Variants in RBFOX1 observed in about 807,000 individuals in gnomAD.
The protein encoded by RBFOX1 is RNA binding fox-1 homolog 1.
In RBFOX1, 8 loss-of-function variants were observed where a neutral mutation model predicts 57.7. The observed-to-expected ratio is 0.14, with a 90% CI of 0.08 to 0.25. The LOEUF (loss-of-function observed/expected upper bound fraction) is 0.25. Ranked by LOEUF, RBFOX1 falls within the 10% of genes least tolerant of loss-of-function variation. The pLI is 1.00. For synonymous variants in RBFOX1, 326 were observed against 222.4 expected, an observed-to-expected ratio of 1.47 and a Z score of -4.15; for missense variants, 611 against 548.5, an observed-to-expected ratio of 1.11 and a Z score of -1.14.
chr16:6,977,114 C>CTATATTATCATATATATGATATATAT (rs2087177477), intron 3 of RBFOX1, among the ~76,000 whole-genome samples: 4 of 136,080 alleles, frequency 2.9e-5, no homozygotes, highest in Admixed American at 7.8e-5. Flanking sequence ...TATATATGAT[C>CTATATTATCATATATATGATATATAT]TATATTATCA....
At chr16:6,673,612 A>T (rs7202411) in intron 3 of RBFOX1, among the ~76,000 whole-genome samples, 24,503 of 152,102 alleles carry the variant, frequency 0.16, 2,184 homozygotes, top group Non-Finnish European at 0.2. Context: ...TCAAAAAAAT[A>T]TATAGATATG....
At chr16:6,919,769 CTTT>C (rs57240620) in intron 3 of RBFOX1, among the ~76,000 whole-genome samples, 9 of 123,488 alleles carry the variant, frequency 7.3e-5, no homozygotes, top group African/African-American at 2.7e-4. Context: ...TAAGATCATT[CTTT>C]TTTTTTTTTT....
intron 4 of RBFOX1, among the ~76,000 whole-genome samples, chr16:5,999,562 C>T (rs2060551078): frequency 6.6e-6 from 1 of 152,134 alleles, no homozygotes; most frequent in African/African-American, 2.4e-5. Flanking sequence ...GAAGGGTTGG[C>T]CGGGCGCCGC....
At chr16:6,163,914 G>A (rs886216575) in intron 1 of RBFOX1, among the ~76,000 whole-genome samples, 1 of 152,098 alleles carries the variant, frequency 6.6e-6, no homozygotes, top group African/African-American at 2.4e-5. Flanking sequence ...TTTTCTTATT[G>A]AGTATATTTG....
intron 2 of RBFOX1, among the ~76,000 whole-genome samples, chr16:6,521,242 A>T (rs1050760691): frequency 3.9e-5 from 6 of 152,142 alleles, no homozygotes; most frequent in Admixed American, 6.5e-5. Context: ...AGGCTGTGCT[A>T]CTGTTGCTCA....
intron 4 of RBFOX1, among the ~76,000 whole-genome samples, chr16:7,118,859 A>G (rs2066489350): frequency 6.6e-6 from 1 of 152,174 alleles, no homozygotes; most frequent in Non-Finnish European, 1.5e-5. Context: ...CATATACCAA[A>G]TAGAGCACAT....
intron 2 of RBFOX1, among the ~76,000 whole-genome samples, chr16:6,636,783 A>AATATGTTATATATAATATATAAT (rs2098437588): frequency 2.7e-5 from 1 of 36,634 alleles, no homozygotes; most frequent in Non-Finnish European, 5.4e-5. Flanking sequence ...TAATATATAT[A>AATATGTTATATATAATATATAAT]ATATATAATA....
intron 3 of RBFOX1, among the ~76,000 whole-genome samples, chr16:6,677,893 A>G (rs1029005671): frequency 3.9e-5 from 6 of 152,162 alleles, no homozygotes; most frequent in African/African-American, 7.2e-5. Flanking sequence ...TTTAGGAGCA[A>G]TTTTTGTTTA....
chr16:7,303,868 A>G (rs2096096968), intron 4 of RBFOX1, among the ~76,000 whole-genome samples: 1 of 120,464 alleles, frequency 8.3e-6, no homozygotes. Flanking sequence ...CCCTCTCGCT[A>G]TCCTTGCCCC....
chr16:7,522,918 C>T (rs2077825849), intron 5 of RBFOX1, among the ~76,000 whole-genome samples: 1 of 152,130 alleles, frequency 6.6e-6, no homozygotes, highest in African/African-American at 2.4e-5. Flanking sequence ...CATGCACAAC[C>T]ATTACTGCTA....
intron 2 of RBFOX1, chr16:6,483,870 A>G (rs1237157729): frequency 5.9e-6 from 7 of 1,187,556 alleles, no homozygotes; most frequent in Non-Finnish European, 7.4e-6. Flanking sequence ...CCCAAACCGG[A>G]GATGGAAGGA....
chr16:5,460,993 G>A (rs919317477), intron 1 of RBFOX1, among the ~76,000 whole-genome samples: 1 of 152,090 alleles, frequency 6.6e-6, no homozygotes, highest in Non-Finnish European at 1.5e-5. Flanking sequence ...TGAAACGGAT[G>A]ACAAGGAAAG....
At chr16:5,274,172 C>T (rs1455117066) in intron 1 of RBFOX1, among the ~76,000 whole-genome samples, 1 of 152,110 alleles carries the variant, frequency 6.6e-6, no homozygotes, top group African/African-American at 2.4e-5. Context: ...TTGTGTTCTT[C>T]CTAATTTTCC....
intron 4 of RBFOX1, among the ~76,000 whole-genome samples, chr16:7,489,679 A>G (rs1352694930): frequency 6.6e-6 from 1 of 151,674 alleles, no homozygotes; most frequent in Admixed American, 6.6e-5. Context: ...CTATGCCCAG[A>G]AAATTGTTTT....
chr16:6,930,096 G>A (rs867432175), intron 3 of RBFOX1, among the ~76,000 whole-genome samples: 2 of 152,150 alleles, frequency 1.3e-5, no homozygotes, highest in East Asian at 3.9e-4. Flanking sequence ...TACTCGGCCT[G>A]CTCTTGAATG....
intron 2 of RBFOX1, among the ~76,000 whole-genome samples, chr16:6,644,103 G>A (rs558385881): frequency 6.6e-6 from 1 of 152,260 alleles, no homozygotes; most frequent in Admixed American, 6.5e-5. Context: ...TCCAACCTGG[G>A]CAACAGAGCG....
chr16:5,883,739 A>T (rs1044406037), intron 4 of RBFOX1, among the ~76,000 whole-genome samples: 1 of 152,256 alleles, frequency 6.6e-6, no homozygotes, highest in African/African-American at 2.4e-5. Flanking sequence ...GATTTTTTTA[A>T]AAAAAATCAC....
chr16:5,607,375 G>A (rs760871423), intron 3 of RBFOX1, among the ~76,000 whole-genome samples: 4 of 150,598 alleles, frequency 2.7e-5, no homozygotes, highest in Non-Finnish European at 5.9e-5. Context: ...AATGCTAAGT[G>A]GCACTCTTGA....
chr16:6,008,472 T>C (rs1046257149), intron 4 of RBFOX1, among the ~76,000 whole-genome samples: 1 of 151,948 alleles, frequency 6.6e-6, no homozygotes, highest in African/African-American at 2.4e-5. Context: ...CACCAGAAGG[T>C]GGAGAAACTG....
Sources: gnomAD v4.1 joint callset for allele counts (sites outside exome capture counted in the v4.1 genomes callset) on GRCh38, gnomAD v4.1.1 for gene constraint, MANE v1.5 for transcripts, NCBI Gene and HGNC (gene_info 2026-07-23, HGNC 2026-07-21) for gene names.